CDHR4: variants seen among roughly 807,000 people sequenced by gnomAD.
CDHR4 encodes the protein cadherin related family member 4.
A neutral mutation model predicts 88.4 loss-of-function variants in CDHR4; 89 were observed. The ratio of observed to expected loss-of-function variants is 1.01; its 90% CI spans 0.85 to 1.20. The LOEUF (loss-of-function observed/expected upper bound fraction) is 1.20, where lower values mean the gene tolerates loss of function less well. Ranked by LOEUF, CDHR4 falls within the 50% of genes most tolerant of loss-of-function variation. The probability of loss-of-function intolerance (pLI) is 0.00; values close to 1 mark genes in which losing one functional copy is unlikely to be tolerated. For missense variants in CDHR4, 914 were observed against 1,007.2 expected, an observed-to-expected ratio of 0.91 and a Z score of 1.25; for synonymous variants, 368 against 399.2, an observed-to-expected ratio of 0.92 and a Z score of 0.93.
intron 18 of CDHR4, 58 bp downstream of exon 18, chr3:49,791,383 G>A (rs2081176975): frequency 2.7e-6 from 4 of 1,499,648 alleles, no homozygotes; most frequent in Non-Finnish European, 3.6e-6. Flanking sequence ...GAGAGGAGGA[G>A]ATACTCAGAT....
intron 12 of CDHR4, 67 bp from the exon 13 acceptor site, chr3:49,793,378 A>T: frequency 6.6e-7 from 1 of 1,514,682 alleles, no homozygotes; most frequent in Non-Finnish European, 8.9e-7. Flanking sequence ...CAGCCCCTCA[A>T]CTTCTTCTCA....
chr3:49,795,117 G>C lies in CDHR4; in HGVS notation c.1032-17C>G. The C allele has an allele frequency of 1.3e-6, 2 of 1,551,638 alleles. No individual in the cohort carries two copies. Among genetic ancestry groups the C allele is most frequent in the Non-Finnish European group, 1.7e-6 (2 of 1,146,972 alleles). ...ATTTGGGACCTGAGAGTATGCAGTG[G>C]CAGCAAGGCAGGAGTCTGGCAGTAC... On this transcript the variant is annotated splice_polypyrimidine_tract_variant and intron_variant, in intron 8 of 18. Coordinates refer to ENST00000412678, the MANE Select transcript of CDHR4 (RefSeq NM_001007540.4). This position sits in a 1 kb window ranked among gnomAD's most constrained non-coding sequence, Gnocchi z 5.4.
rs2081219664 is a variant in CDHR4 at position 49,793,706 on chromosome 3, C to A, written c.1500G>T (p.Leu500=). The A allele has an allele frequency of 3.2e-6, 5 of 1,551,718 alleles. No homozygotes were observed. Among genetic ancestry groups the A allele is most frequent in the Non-Finnish European group, 4.4e-6 (5 of 1,146,990 alleles). ...VDRLSGEVHL[L]GPLDYEQQRL... ...TCTGCTGCTCATAGTCCAAAGGTCC[C>A]AGGAGGTGAACTTCCCCTAGAGGGG... is the stretch of plus-strand genomic sequence containing the variant. Residue 500 remains leucine, a synonymous_variant, in exon 12 of 19, where the codon CTG becomes CTT. Coordinates refer to ENST00000412678, the MANE Select transcript of CDHR4 (RefSeq NM_001007540.4).
Position 49,799,321 on chromosome 3 carries a change from G to A in CDHR4, c.166C>T (p.Leu56Phe), listed in dbSNP as rs1245473912. 6.2e-7 allele frequency: 1 copy of A among 1,613,982 alleles called. No individual in the cohort carries two copies. The highest frequency in any genetic ancestry group is 8.5e-7 in the Non-Finnish European group (1 of 1,179,868). ...AAGGTGGTGGGTGGCTGGACATTGA[G>A]CAACTCCAGGGTGGGTGTGGGCGTG... ...SYTPTPTLEL[L>F]NVQPPTTFFN... The change falls in exon 2 of 19, where the codon CTC becomes TTC. Residue 56 changes from leucine to phenylalanine, a missense_variant. Coordinates refer to ENST00000412678, the MANE Select transcript of CDHR4 (RefSeq NM_001007540.4).
upstream of CDHR4, among the ~76,000 whole-genome samples, chr3:49,801,495 C>A (rs148508259): frequency 1.3e-5 from 2 of 152,332 alleles, no homozygotes; most frequent in Non-Finnish European, 2.9e-5. Flanking sequence ...GTGCTGATCT[C>A]TCTCCTGAAG....
chr3:49,797,377 C>A (rs534123425), intron 4 of CDHR4, among the ~76,000 whole-genome samples: 1 of 152,094 alleles, frequency 6.6e-6, no homozygotes, highest in Admixed American at 6.5e-5. Flanking sequence ...TTACTGGGTT[C>A]AAGTGATTCT....
In CDHR4 at chr3:49,793,191, G is replaced by T. The variant is rs143779889; in HGVS notation, c.1744C>A (p.Arg582Ser). 292 of 1,551,696 alleles carry T rather than the reference G, an allele frequency of 1.9e-4. 1 individual carries two copies. In the African/African-American group the frequency reaches 3.7e-3, roughly 20 times the overall value. ...ACGATGCTATAGGAGTAGATCAGGC[G>T]CTGTGGCTCCTGAGGGATCTGGCAT... ...MSCQIPQEPQ[R>S]LIYSYSIVGG... The change falls in exon 13 of 19, where the codon CGC becomes AGC. Residue 582 changes from arginine (R) to serine (S), a missense_variant. Coordinates refer to ENST00000412678, the MANE Select transcript of CDHR4 (RefSeq NM_001007540.4).
Position 49,795,275 on chromosome 3 carries a change from C to A in CDHR4, c.952G>T (p.Ala318Ser). The A allele has an allele frequency of 1.3e-6, 2 of 1,551,656 alleles. No individual in the cohort carries two copies. The highest frequency in any genetic ancestry group is 1.7e-6 in the Non-Finnish European group (2 of 1,146,982). ...ATGGTGAGATTGAGCTTGGCACTGG[C>A]CCACAGCTGGCCCTGCTCAAAGGCC... ...VKAFEQGQLW[A>S]SAKLNLTMNV... is the part of the protein sequence containing the mutation. Residue 318 changes from alanine (A) to serine (S), a missense_variant, in exon 8 of 19, where the codon GCC (alanine) becomes TCC (serine). Ala to Ser is a moderately conservative substitution (Grantham distance 99). Transcript: ENST00000412678. The surrounding 1 kb of genome is among the most constrained non-coding windows in gnomAD (Gnocchi z 5.4).
chr3:49,799,568 T>C (rs1575355717), intron 1 of CDHR4, 131 bp from the exon 2 acceptor site: 1 of 1,132,660 alleles, frequency 8.8e-7, no homozygotes, highest in Non-Finnish European at 1.2e-6. Context: ...TTTCCTTGTA[T>C]CCAGCATCCA....
chr3:49,794,692 T>C lies in CDHR4; in HGVS notation c.1195A>G (p.Thr399Ala). ...GCTCCAGGAGTGTCACAGTCCAGTG[T>C]GGCATTCACCTAGCCAAAGGGGCTA... The part of the protein sequence containing the change: ...LYDRVLEVNA[T>A]LDCDTPGACF... Residue 399 changes from threonine to alanine, a missense_variant, in exon 10 of 19, where the codon ACA becomes GCA. Physicochemically the swap from Thr to Ala is moderately conservative, Grantham distance 58. Transcript: ENST00000412678. 1 of 1,551,098 alleles carries C rather than the reference T, an allele frequency of 6.4e-7. No individual in the cohort carries two copies. Among genetic ancestry groups the C allele is most frequent in the Non-Finnish European group, 8.7e-7 (1 of 1,146,690 alleles).
At chr3:49,796,230 C>A (rs1431924697) in intron 5 of CDHR4, among the ~76,000 whole-genome samples, 184 bp from the exon 6 acceptor site, 1 of 152,238 alleles carries the variant, frequency 6.6e-6, no homozygotes, top group Admixed American at 6.5e-5. Flanking sequence ...GAGCCCCATA[C>A]CTTTGGGCCA....
At position 49,793,961 on chromosome 3, in the gene CDHR4, G is replaced by A; in HGVS notation, c.1325C>T (p.Ser442Phe). 2 of 1,551,768 alleles carry A rather than the reference G, an allele frequency of 1.3e-6. No homozygotes were observed. Among genetic ancestry groups the A allele is most frequent in the Non-Finnish European group, 1.7e-6 (2 of 1,147,004 alleles). ...LVMVTPINEF[S>F]PACAPRTFRV... ...GAACGTGCGAGGGGCACAGGCTGGG[G>A]AGAACTCGTTGATGGGTGTCACCAT... The change falls in exon 11 of 19, where the codon TCC (serine) becomes TTC (phenylalanine). Residue 442 changes from serine (S) to phenylalanine (F), a missense_variant. Physicochemically the swap from Ser to Phe is radical, Grantham distance 155. Transcript: ENST00000412678.
rs779824210 is a variant in CDHR4, at chr3:49,790,852, CTGTG to C, written c.2343_2346del (p.His781GlnfsTer11). On this transcript the variant is annotated frameshift_variant, in exon 19 of 19. Transcript: ENST00000412678. LOFTEE classifies it high-confidence loss of function. ...TGGCCTCAGAGCCAGCGCCGGGCTC[CTGTG>C]TGTGTGTTAAACAGGTAGTCTCTTC... is the stretch of plus-strand genomic sequence containing the variant. The C allele has an allele frequency of 4.5e-6, 7 of 1,551,320 alleles. No individual in the cohort carries two copies. The highest frequency in any genetic ancestry group is 6.1e-6 in the Non-Finnish European group (7 of 1,146,752).
chr3:49,791,727 C>T lies in CDHR4; in HGVS notation c.2270G>A (p.Ser757Asn). The change falls in exon 17 of 19, where the codon AGT (serine) becomes AAT (asparagine). Residue 757 changes from serine (S) to asparagine (N), a missense_variant. Transcript: ENST00000412678. ...GAGCTGACATACCAGACTCATGACA[C>T]TGCTGGGTGCCTGGGACATCTCCAT... is the stretch of plus-strand genomic sequence containing the variant. ...PKMEMSQAPS[S>N]VMSLHFDGRA... 2 of 1,551,666 alleles carry T rather than the reference C, an allele frequency of 1.3e-6. No individual in the cohort carries two copies. Among genetic ancestry groups the T allele is most frequent in the Non-Finnish European group, 1.7e-6 (2 of 1,146,944 alleles).
Position 49,792,937 on chromosome 3 carries a change from G to A in CDHR4, c.1912C>T (p.His638Tyr), listed in dbSNP as rs768920368. 7.7e-6 allele frequency: 12 copies of A among 1,551,434 alleles called. No individual in the cohort carries two copies. Among genetic ancestry groups the A allele is most frequent in the Non-Finnish European group, 1.0e-5 (12 of 1,146,900 alleles). The change falls in exon 14 of 19, where the codon CAC becomes TAC. Residue 638 changes from histidine (H) to tyrosine (Y), a missense_variant. His to Tyr is a moderately conservative substitution (Grantham distance 83). Coordinates refer to ENST00000412678, the MANE Select transcript of CDHR4 (RefSeq NM_001007540.4). ...ATAATGGTGGCTGTGGTGCTGAGGT[G>A]GGGGGTGGAGGGGCCTGCATCGGCC... ...CVADAGPSTPHLSTTATIIVH... is the reference protein window; with the variant it reads ...CVADAGPSTPYLSTTATIIVH...
At chr3:49,798,176 A>G (rs1001550887) in intron 4 of CDHR4, 1 of 149,260 alleles carries the variant, frequency 6.7e-6, no homozygotes, top group Non-Finnish European at 1.5e-5. Context: ...CTGGGATTAC[A>G]GGTGTGAGCC....
intron 4 of CDHR4, chr3:49,798,608 A>C (rs2081309598): frequency 1.9e-6 from 1 of 534,022 alleles, no homozygotes; most frequent in Non-Finnish European, 3.3e-6. Flanking sequence ...AAAAAAAAGA[A>C]CTCAGCCCCT....
chr3:49,795,751 T>A lies in CDHR4; in HGVS notation c.724A>T (p.Asn242Tyr). 1.3e-6 allele frequency: 2 copies of A among 1,551,670 alleles called. No individual in the cohort carries two copies. Among genetic ancestry groups the A allele is most frequent in the Non-Finnish European group, 1.7e-6 (2 of 1,146,978 alleles). The change falls in exon 7 of 19, where the codon AAT becomes TAT. Residue 242 changes from asparagine to tyrosine, a missense_variant. Physicochemically the swap from Asn to Tyr is moderately radical, Grantham distance 143. Coordinates refer to ENST00000412678, the MANE Select transcript of CDHR4 (RefSeq NM_001007540.4). This position sits in a 1 kb window ranked among gnomAD's most constrained non-coding sequence, Gnocchi z 5.4. ...GCCAGATTCTCAGGGATGGTGATAT[T>A]CTGAGCCTGCTCGCTGGACCAAAAG... ...SQVSFLEQAQNITIPENLAPG... is the reference protein window; with the variant it reads ...SQVSFLEQAQYITIPENLAPG...
rs997299454 is a variant in CDHR4 at position 49,792,463 on chromosome 3, C to T, written c.2138+5G>A. On this transcript the variant is annotated splice_donor_5th_base_variant and intron_variant, in intron 15 of 18. Coordinates refer to ENST00000412678, the MANE Select transcript of CDHR4 (RefSeq NM_001007540.4). ...AAGTAGGGAGCACAAGGATAGGATCCCTACCCCTGGAGGAGCCTGCCAAGA... is the reference window on the plus strand; with the variant it reads ...AAGTAGGGAGCACAAGGATAGGATCTCTACCCCTGGAGGAGCCTGCCAAGA... 1.9e-6 allele frequency: 3 copies of T among 1,551,528 alleles called. No individual in the cohort carries two copies. The highest frequency in any genetic ancestry group is 2.0e-5 in the Admixed American group (1 of 50,984).
Sources: gnomAD v4.1 joint callset for allele counts (sites outside exome capture counted in the v4.1 genomes callset) on GRCh38, gnomAD v4.1.1 for gene constraint, Gnocchi (gnomAD v3.1) non-coding constraint, MANE v1.5 for transcripts, NCBI Gene and HGNC (gene_info 2026-07-23, HGNC 2026-07-21) for gene names.